The following PRIM2 variants were observed in gnomAD, a reference collection of about 807,000 sequenced individuals.
PRIM2 encodes DNA primase large subunit.
A neutral mutation model predicts 67.3 loss-of-function variants in PRIM2; 39 were observed. The ratio of observed to expected loss-of-function variants is 0.58; its 90% CI spans 0.45 to 0.76. PRIM2 has a LOEUF of 0.76. Ranked by LOEUF, PRIM2 falls within the 30% of genes least tolerant of loss-of-function variation. PRIM2 has a pLI of 0.00. For missense variants in PRIM2, 398 were observed against 598.7 expected, an observed-to-expected ratio of 0.66 and a Z score of 3.50; for synonymous variants, 143 against 198.7, an observed-to-expected ratio of 0.72 and a Z score of 2.36.
chr6:57,356,936 T>TC (rs1769048506), intron 5 of PRIM2, among the ~76,000 whole-genome samples: 1 of 148,998 alleles, frequency 6.7e-6, no homozygotes, highest in East Asian at 1.9e-4. Flanking sequence ...CCATTCTTTT[T>TC]TTTTTTTTTT....
intron 5 of PRIM2, among the ~76,000 whole-genome samples, chr6:57,338,422 C>T (rs1043627111): frequency 6.6e-6 from 1 of 151,816 alleles, no homozygotes; most frequent in Non-Finnish European, 1.5e-5. Context: ...GAATTTGAGA[C>T]CAATATCCTT....
intron 10 of PRIM2, among the ~76,000 whole-genome samples, chr6:57,558,657 C>CT (rs1775566274): frequency 7.9e-6 from 1 of 127,016 alleles, no homozygotes; most frequent in Non-Finnish European, 1.7e-5. Flanking sequence ...CTTTATCTTT[C>CT]TTAATATATA....
intron 7 of PRIM2, among the ~76,000 whole-genome samples, chr6:57,454,369 T>C (rs563265053): frequency 1.3e-5 from 2 of 152,182 alleles, no homozygotes; most frequent in Non-Finnish European, 2.9e-5. Flanking sequence ...ATGGTACCAG[T>C]TCCTTCTTGT....
At chr6:57,621,729 A>C (rs1484846796) in intron 12 of PRIM2, among the ~76,000 whole-genome samples, 2 of 152,166 alleles carry the variant, frequency 1.3e-5, no homozygotes, top group African/African-American at 2.4e-5. Context: ...CAAATCAAAA[A>C]CACAATAATA....
At chr6:57,237,260 T>C in the PRIM2 span, among the ~76,000 whole-genome samples, 44 of 152,164 alleles carry the variant, frequency 2.9e-4, no homozygotes, top group Non-Finnish European at 4.3e-4. Flanking sequence ...CTTGATGTGG[T>C]TCTTTGTTTT....
the PRIM2 span, among the ~76,000 whole-genome samples, chr6:57,253,818 A>C: frequency 6.6e-6 from 1 of 152,176 alleles, no homozygotes; most frequent in Admixed American, 6.5e-5. Context: ...GCTATTGTAA[A>C]CAGATTCCTC....
intron 10 of PRIM2, among the ~76,000 whole-genome samples, chr6:57,562,937 C>T (rs1332139868): frequency 1.3e-5 from 2 of 152,166 alleles, no homozygotes; most frequent in African/African-American, 2.4e-5. Flanking sequence ...AATTCCTCTT[C>T]CAGCTTCTGT....
intron 13 of PRIM2, among the ~76,000 whole-genome samples, chr6:57,636,451 G>C (rs1197773120): frequency 3.3e-5 from 5 of 152,006 alleles, no homozygotes; most frequent in East Asian, 1.9e-4. Flanking sequence ...TCCTAAACAA[G>C]ACAAAAGGAA....
intron 10 of PRIM2, among the ~76,000 whole-genome samples, chr6:57,541,974 T>G (rs1309797641): frequency 2.1e-4 from 6 of 29,148 alleles, no homozygotes; most frequent in Admixed American, 7.5e-4. Context: ...TGTGTTTTGG[T>G]TTTTTTTTTT....
At chr6:57,368,098 T>A (rs1769424724) in intron 5 of PRIM2, among the ~76,000 whole-genome samples, 1 of 152,226 alleles carries the variant, frequency 6.6e-6, no homozygotes, top group Non-Finnish European at 1.5e-5. Context: ...ATAACAGTAT[T>A]AAAAATTATG....
intron 10 of PRIM2, among the ~76,000 whole-genome samples, chr6:57,544,629 T>C (rs1775248078): frequency 6.6e-6 from 1 of 152,236 alleles, no homozygotes; most frequent in African/African-American, 2.4e-5. Flanking sequence ...ATAAATGATA[T>C]TGGTTACTTG....
intron 10 of PRIM2, among the ~76,000 whole-genome samples, chr6:57,544,917 T>C (rs1204008961): frequency 6.6e-6 from 1 of 152,202 alleles, no homozygotes; most frequent in Non-Finnish European, 1.5e-5. Flanking sequence ...ATATTATTTA[T>C]TTATATTTTG....
At chr6:57,278,418 C>A in the PRIM2 span, among the ~76,000 whole-genome samples, 2 of 152,164 alleles carry the variant, frequency 1.3e-5, no homozygotes, top group Non-Finnish European at 2.9e-5. Flanking sequence ...TCTCTCTTCC[C>A]TTCCATGTGT....
At chr6:57,264,961 A>T in the PRIM2 span, among the ~76,000 whole-genome samples, 23,583 of 152,126 alleles carry the variant, frequency 0.16, 2,155 homozygotes, top group African/African-American at 0.25. Context: ...AAACTGGGAT[A>T]TCTAGAGAAT....
the PRIM2 span, among the ~76,000 whole-genome samples, chr6:57,296,445 G>T: frequency 6.6e-6 from 1 of 151,978 alleles, no homozygotes; most frequent in Admixed American, 6.6e-5. Context: ...AGTCAAAAAT[G>T]AATAAATAAA....
intron 7 of PRIM2, among the ~76,000 whole-genome samples, chr6:57,427,538 G>A (rs12200740): frequency 2.6e-5 from 4 of 152,060 alleles, no homozygotes; most frequent in Admixed American, 1.3e-4. Context: ...GGCTGGTCTC[G>A]AACTCCTGAC....
At chr6:57,353,937 C>G (rs1460760712) in intron 5 of PRIM2, among the ~76,000 whole-genome samples, 1 of 151,700 alleles carries the variant, frequency 6.6e-6, no homozygotes, top group African/African-American at 2.4e-5. Context: ...ATACTTTTTT[C>G]AAAAGTCACC....
chr6:57,623,585 G>A (rs1488507281), intron 12 of PRIM2, among the ~76,000 whole-genome samples: 1 of 152,020 alleles, frequency 6.6e-6, no homozygotes, highest in Non-Finnish European at 1.5e-5. Context: ...TGTCACTTGG[G>A]ATATTTTTGT....
chr6:57,264,499 C>A, the PRIM2 span, among the ~76,000 whole-genome samples: 5 of 152,062 alleles, frequency 3.3e-5, no homozygotes, highest in African/African-American at 9.7e-5. Context: ...ACAGAGCCAG[C>A]CCCATCATTT....
Sources: gnomAD v4.1 joint callset for allele counts (sites outside exome capture counted in the v4.1 genomes callset) on GRCh38, gnomAD v4.1.1 for gene constraint, MANE v1.5 for transcripts, NCBI Gene and HGNC (gene_info 2026-07-23, HGNC 2026-07-21) for gene names.